Variants in NKAIN2 observed in about 807,000 individuals in gnomAD.
NKAIN2 encodes sodium/potassium-transporting ATPase subunit beta-1-interacting protein 2.
A neutral mutation model predicts 32.6 loss-of-function variants in NKAIN2; 14 were observed. That is an observed-to-expected ratio of 0.43 (90% CI 0.28 to 0.67). NKAIN2 has a LOEUF of 0.67. Ranked by LOEUF, NKAIN2 falls within the 30% of genes least tolerant of loss-of-function variation. The probability of loss-of-function intolerance (pLI) is 0.17; values close to 1 mark genes in which losing one functional copy is unlikely to be tolerated. For missense variants in NKAIN2, 198 were observed against 258.3 expected (o/e 0.77, Z 1.60); for synonymous variants, 80 against 87.2 (o/e 0.92, Z 0.46).
chr6:124,345,942 A>T (rs1413465284), intron 2 of NKAIN2, among the ~76,000 whole-genome samples: 1 of 151,614 alleles, frequency 6.6e-6, no homozygotes, highest in Non-Finnish European at 1.5e-5. Flanking sequence ...TCAATTTTGG[A>T]TCTTTCCTGC....
At chr6:123,886,718 T>G (rs2114354094) in intron 1 of NKAIN2, among the ~76,000 whole-genome samples, 1 of 152,192 alleles carries the variant, frequency 6.6e-6, no homozygotes, top group Non-Finnish European at 1.5e-5. Context: ...GCCAATCAAT[T>G]TAATAAAAAG....
At chr6:124,210,850 T>C (rs774137037) in intron 1 of NKAIN2, among the ~76,000 whole-genome samples, 12 of 151,922 alleles carry the variant, frequency 7.9e-5, no homozygotes, top group Non-Finnish European at 1.6e-4. Flanking sequence ...GTGGTGTCTT[T>C]AGGTTTGTCT....
chr6:124,519,580 T>G (rs1244645856), intron 3 of NKAIN2, among the ~76,000 whole-genome samples: 1 of 152,174 alleles, frequency 6.6e-6, no homozygotes, highest in Non-Finnish European at 1.5e-5. Context: ...ACTCAAAATT[T>G]CCAAGTGAGC....
intron 4 of NKAIN2, among the ~76,000 whole-genome samples, chr6:124,777,976 AACAC>A (rs906312321): frequency 6.7e-5 from 8 of 119,966 alleles, no homozygotes; most frequent in African/African-American, 2.4e-4. Context: ...CACACACACA[AACAC>A]ACACACATGT....
intron 4 of NKAIN2, among the ~76,000 whole-genome samples, chr6:124,659,523 A>G (rs570715355): frequency 1.7e-4 from 25 of 151,282 alleles, no homozygotes; most frequent in Non-Finnish European, 3.1e-4. Context: ...GTGTGTTGTG[A>G]TAGACTAAGG....
At chr6:124,382,630 C>T (rs1279369306) in intron 3 of NKAIN2, among the ~76,000 whole-genome samples, 1 of 152,108 alleles carries the variant, frequency 6.6e-6, no homozygotes, top group Non-Finnish European at 1.5e-5. Context: ...TTTTGCTATC[C>T]TCAACTATAT....
rs1348752617 is a variant in NKAIN2, at chr6:123,866,638, G to A, written c.54+62384G>A. On this transcript the variant is annotated intron_variant, in intron 1 of 6. Coordinates refer to ENST00000368417, the MANE Select transcript of NKAIN2 (RefSeq NM_001040214.3). Reference sequence around the variant, plus strand: ...GTAGAGATGGAGTTTCACCGCGTTAGCCAGGATGGTCTCGAACTCCTGACC... The same window carrying A: ...GTAGAGATGGAGTTTCACCGCGTTAACCAGGATGGTCTCGAACTCCTGACC... Among the ~76,000 whole-genome samples, 6 of 152,002 alleles carry A rather than the reference G, an allele frequency of 3.9e-5. No homozygotes were observed. The South Asian group carries it at 1.2e-3, about 32-fold the overall frequency.
chr6:124,783,811 A>G (rs2114791277), intron 4 of NKAIN2, among the ~76,000 whole-genome samples: 1 of 152,330 alleles, frequency 6.6e-6, no homozygotes, highest in East Asian at 1.9e-4. Context: ...AATCATCTGC[A>G]ACTTAAAATT....
At chr6:124,526,682 C>G (rs940703891) in intron 3 of NKAIN2, among the ~76,000 whole-genome samples, 2 of 152,056 alleles carry the variant, frequency 1.3e-5, no homozygotes. Context: ...TGAAAATGAC[C>G]AGAAATTATA....
chr6:124,151,063 T>G (rs908152455), intron 1 of NKAIN2, among the ~76,000 whole-genome samples: 5 of 152,088 alleles, frequency 3.3e-5, no homozygotes, highest in Non-Finnish European at 7.4e-5. Flanking sequence ...CTTTGTCATG[T>G]TTCTTTTACT....
chr6:123,814,577 A>T (rs1246759698), intron 1 of NKAIN2, among the ~76,000 whole-genome samples: 2 of 152,310 alleles, frequency 1.3e-5, no homozygotes, highest in East Asian at 3.9e-4. Flanking sequence ...CGTAAGAAAG[A>T]GGTGTTAATG....
At chr6:124,014,092 C>A (rs1780461155) in intron 1 of NKAIN2, among the ~76,000 whole-genome samples, 1 of 152,094 alleles carries the variant, frequency 6.6e-6, no homozygotes, top group African/African-American at 2.4e-5. Context: ...ATATACGTAT[C>A]CCCCTTTAAA....
At chr6:124,386,175 G>C (rs1019889696) in intron 3 of NKAIN2, among the ~76,000 whole-genome samples, 10 of 152,108 alleles carry the variant, frequency 6.6e-5, no homozygotes, top group African/African-American at 2.4e-4. Flanking sequence ...TGCAAAATTG[G>C]CCTTGTTTGA....
chr6:124,121,349 T>C (rs1785869248), intron 1 of NKAIN2, among the ~76,000 whole-genome samples: 2 of 152,056 alleles, frequency 1.3e-5, no homozygotes, highest in African/African-American at 4.8e-5. Context: ...AAAATAATTA[T>C]AAAATATCAC....
chr6:124,244,672 A>T (rs576301884), intron 1 of NKAIN2, among the ~76,000 whole-genome samples: 2 of 152,216 alleles, frequency 1.3e-5, no homozygotes, highest in South Asian at 4.1e-4. Flanking sequence ...ACAATTTACC[A>T]TGTTGCCCCT....
rs73770490 is a variant in NKAIN2 at position 124,405,518 on chromosome 6, T to C, written c.273+50171T>C. 9.5e-3 allele frequency among the ~76,000 whole-genome samples: 1,438 copies of C among 150,956 alleles called. 18 individuals carry two copies. The highest frequency in any genetic ancestry group is 0.033 in the African/African-American group (1,371 of 41,112). ...TGAATTCACAATACTAAGACAAATA[T>C]AAAAACCTTTTGTTTTGTCTTTTTT... On this transcript the variant is annotated intron_variant, in intron 3 of 6. Transcript: ENST00000368417.
intron 1 of NKAIN2, among the ~76,000 whole-genome samples, chr6:123,956,337 C>T (rs570318374): frequency 6.6e-5 from 10 of 152,222 alleles, no homozygotes; most frequent in African/African-American, 2.2e-4. Flanking sequence ...GGAAACAGAA[C>T]CTTAAAAATG....
intron 3 of NKAIN2, among the ~76,000 whole-genome samples, chr6:124,501,538 C>T (rs950710642): frequency 2.6e-5 from 4 of 152,172 alleles, no homozygotes; most frequent in Non-Finnish European, 2.9e-5. Context: ...TCCCTCAGCC[C>T]CTAACTGTTC....
intron 1 of NKAIN2, among the ~76,000 whole-genome samples, chr6:123,869,871 T>C (rs928185114): frequency 7.2e-6 from 1 of 138,840 alleles, no homozygotes; most frequent in Admixed American, 7.7e-5. Flanking sequence ...TAAAAGCCAT[T>C]CTTTACATAG....
Sources: gnomAD v4.1 joint callset for allele counts (sites outside exome capture counted in the v4.1 genomes callset) on GRCh38, gnomAD v4.1.1 for gene constraint, MANE v1.5 for transcripts, NCBI Gene and HGNC (gene_info 2026-07-23, HGNC 2026-07-21) for gene names.